The following MYO7A variants were observed in gnomAD, a reference collection of about 807,000 sequenced individuals.
MYO7A encodes unconventional myosin-VIIa.
MYO7A carries 210 observed loss-of-function variants against 263.8 expected under a neutral mutation model. The ratio of observed to expected loss-of-function variants is 0.80; its 90% confidence interval spans 0.71 to 0.89. The LOEUF is 0.89. MYO7A is among the 40% of genes least tolerant of loss of function. The pLI is 0.00. For missense variants in MYO7A, 2,820 were observed against 2,968.3 expected, an observed-to-expected ratio of 0.95 and a Z score of 1.16; for synonymous variants, 1,239 against 1,197.3, an observed-to-expected ratio of 1.03 and a Z score of -0.72.
chr11:77,198,471 CTCAGTGCCTT>C lies in MYO7A; in HGVS notation c.4442-23_4442-14del, dbSNP rs749005733. 1.9e-6 allele frequency: 3 copies of C among 1,610,702 alleles called. No homozygotes were observed. In the South Asian group the frequency reaches 3.3e-5, roughly 18 times the overall value. On this transcript the variant is annotated splice_polypyrimidine_tract_variant and intron_variant, in intron 33 of 48. Coordinates refer to ENST00000409709, the MANE Select transcript of MYO7A (RefSeq NM_000260.4). Reference sequence around the variant, plus strand: ...GGGCCTGGGTGTGGGAGGCCTGCCTCTCAGTGCCTTGGTCTCGTCCCAGGCCCCAGTCTCC... The same window carrying C: ...GGGCCTGGGTGTGGGAGGCCTGCCTCGGTCTCGTCCCAGGCCCCAGTCTCC...
Position 77,211,149 on chromosome 11 carries a change from CAG to C in MYO7A, c.6052-2_6052-1del. 6.4e-7 allele frequency: 1 copy of C among 1,567,424 alleles called. No individual in the cohort carries two copies. Among genetic ancestry groups the C allele is most frequent in the South Asian group, 1.2e-5 (1 of 84,900 alleles). On this transcript the variant is annotated splice_acceptor_variant, in intron 44 of 48. Coordinates refer to ENST00000409709, the MANE Select transcript of MYO7A (RefSeq NM_000260.4). LOFTEE classifies it high-confidence loss of function. ...CGCCTGTGACCTGCTCTGTCTCTGA[CAG>C]GAGTTGCCCAAGTATCTCCGAGGCT...
At chr11:77,143,424 A>T (rs1395583954) in intron 3 of MYO7A, among the ~76,000 whole-genome samples, 1 of 152,224 alleles carries the variant, frequency 6.6e-6, no homozygotes, top group Non-Finnish European at 1.5e-5. Flanking sequence ...GGTCTCACAG[A>T]TTAACCCTTT....
At chr11:77,169,895 G>A (rs1371679733) in intron 15 of MYO7A, among the ~76,000 whole-genome samples, 2 of 152,002 alleles carry the variant, frequency 1.3e-5, no homozygotes, top group African/African-American at 2.4e-5. Flanking sequence ...TGGCAAAATG[G>A]CAAAATCCCA....
Position 77,190,014 on chromosome 11 carries a change from C to T in MYO7A, c.3631-6C>T, listed in dbSNP as rs1047678585. ...GGGGCCGCCTCAGCGGGTACTCTGG[C>T]TGCAGTACCTGCGGAACTTCATCCA... On this transcript the variant is annotated splice_region_variant and splice_polypyrimidine_tract_variant and intron_variant, in intron 28 of 48. Transcript: ENST00000409709. 1 of 1,538,060 alleles carries T rather than the reference C, an allele frequency of 6.5e-7. No individual in the cohort carries two copies.
intron 2 of MYO7A, among the ~76,000 whole-genome samples, chr11:77,132,722 C>T (rs782338260): frequency 3.3e-5 from 5 of 152,196 alleles, no homozygotes; most frequent in Non-Finnish European, 7.3e-5. Context: ...CTCCTGACCT[C>T]GTGATCCGCC....
rs1455974023 is a variant in MYO7A, at chr11:77,215,001, CA to C, written c.*306del. On this transcript the variant is annotated 3_prime_UTR_variant, in exon 49 of 49. Transcript: ENST00000409709. Reference sequence around the variant, plus strand: ...TGTGTCTCCTGTTTCAGACCAGCCCCACCATGCAACTTCCTTTGACTTTCTG... The same window carrying C: ...TGTGTCTCCTGTTTCAGACCAGCCCCCCATGCAACTTCCTTTGACTTTCTG... 11 of 353,260 alleles carry C rather than the reference CA, an allele frequency of 3.1e-5. No homozygotes were observed. The highest frequency in any genetic ancestry group is 2.5e-4 in the Admixed American group (6 of 23,718). 21.9% of individuals were successfully genotyped at this position (353,260 alleles called of 1,614,324 possible).
At position 77,211,901 on chromosome 11, in the gene MYO7A, G is replaced by A. The variant is rs11237123; in HGVS notation, c.6318G>A (p.Lys2106=). Residue 2106 remains lysine (K), a synonymous_variant, in exon 46 of 49, where the codon AAG becomes AAA. Transcript: ENST00000409709. ...TGGCCTTCCTGAAGCTCATCTTCAA[G>A]TGGCCCACCTTTGGCTCAGCCTTCT... ...AKLAFLKLIF[K]WPTFGSAFFE... The A allele has an allele frequency of 0.19, 310,677 of 1,613,528 alleles. 32,894 individuals carry two copies. Among genetic ancestry groups the A allele is most frequent in the African/African-American group, 0.38 (28,165 of 74,976 alleles).
chr11:77,150,397 A>G (rs184096937), intron 4 of MYO7A, among the ~76,000 whole-genome samples: 5 of 152,300 alleles, frequency 3.3e-5, no homozygotes, highest in Admixed American at 3.3e-4. Flanking sequence ...CCATGGGCAC[A>G]GTGAATCTTG....
intron 20 of MYO7A, 67 bp from the exon 21 acceptor site, chr11:77,179,668 C>T (rs1954999251): frequency 1.4e-6 from 2 of 1,405,906 alleles, no homozygotes; most frequent in Admixed American, 2.2e-5. Flanking sequence ...GCCATGGAAG[C>T]TCCTGCAGGC....
chr11:77,173,533 TG>T (rs1442191447), intron 16 of MYO7A, among the ~76,000 whole-genome samples: 2 of 152,160 alleles, frequency 1.3e-5, no homozygotes, highest in Non-Finnish European at 2.9e-5. Context: ...GATGCGGGAC[TG>T]GGGGCTCAGG....
chr11:77,212,288 C>A, intron 46 of MYO7A: 1 of 425,302 alleles, frequency 2.4e-6, no homozygotes, highest in Admixed American at 2.7e-5. Flanking sequence ...GATATCTGAG[C>A]TTTCCAGGCA....
rs762667 is a variant in MYO7A at position 77,157,326 on chromosome 11, T to C, written c.783T>C (p.Gly261=). 0.38 allele frequency: 609,905 copies of C among 1,610,282 alleles called. 123,664 individuals are homozygous for C. The highest frequency in any genetic ancestry group is 0.77 in the African/African-American group (57,977 of 74,908). ...ACGTGTTCTACTGCATGCTGGAGGGTATGAGTGAGGATCAGAAGAAGAAGC... is the reference window on the plus strand; with the variant it reads ...ACGTGTTCTACTGCATGCTGGAGGGCATGAGTGAGGATCAGAAGAAGAAGC... ...NYHVFYCMLE[G]MSEDQKKKLG... Residue 261 remains glycine (G), a synonymous_variant, in exon 8 of 49, where the codon GGT becomes GGC. Transcript: ENST00000409709.
rs574232710 is a variant in MYO7A at position 77,198,583 on chromosome 11, G to A, written c.4530G>A (p.Glu1510=). Reference sequence around the variant, plus strand: ...ATGAGCAGGAGCAGGTACTTCTGGAGCTGTCCTTCCCAGAGATCATGGCCG... The same window carrying A: ...ATGAGCAGGAGCAGGTACTTCTGGAACTGTCCTTCCCAGAGATCATGGCCG... ...FVDEQEQVLL[E]LSFPEIMAVS... The change falls in exon 34 of 49, where the codon GAG becomes GAA. Residue 1510 remains glutamate, a synonymous_variant. Coordinates refer to ENST00000409709, the MANE Select transcript of MYO7A (RefSeq NM_000260.4). The A allele has an allele frequency of 8.7e-6, 14 of 1,613,952 alleles. No individual in the cohort carries two copies. The African/African-American group carries it at 9.3e-5, about 11-fold the overall frequency.
chr11:77,148,024 C>T (rs1413186907), intron 4 of MYO7A, 74 bp downstream of exon 4: 3 of 1,343,978 alleles, frequency 2.2e-6, no homozygotes, highest in Non-Finnish European at 2.9e-6. Context: ...CCACCCCGCC[C>T]GACTTGCCTC....
In MYO7A at chr11:77,181,405, AG is replaced by A. The variant is rs2135486189; in HGVS notation, c.2722del (p.Asp908ThrfsTer6). ...HQERLAQLAR[E>X]DAERELKEKE... ...GAGCGCCTGGCCCAGCTGGCTCGTG[AG>A]GACGCTGAGCGGGAGCTGAAGGAGA... is the stretch of plus-strand genomic sequence containing the variant. On this transcript the variant is annotated frameshift_variant, in exon 23 of 49. Transcript: ENST00000409709. LOFTEE classifies it high-confidence loss of function. The A allele has an allele frequency of 6.3e-7, 1 of 1,578,640 alleles. No homozygotes were observed. Among genetic ancestry groups the A allele is most frequent in the Non-Finnish European group, 8.6e-7 (1 of 1,163,044 alleles).
At chr11:77,135,792 T>G (rs114427661) in intron 2 of MYO7A, among the ~76,000 whole-genome samples, 349 of 152,342 alleles carry the variant, frequency 2.3e-3, no homozygotes, top group African/African-American at 7.3e-3. Context: ...GGGTGTGCAG[T>G]GGTATCTCAT....
In MYO7A at chr11:77,173,565, G is replaced by C. The variant is rs1277215807; in HGVS notation, c.1935+680G>C. Among the ~76,000 whole-genome samples the C allele has an allele frequency of 2.0e-5, 3 of 152,190 alleles. No individual in the cohort carries two copies. In the South Asian group the frequency reaches 6.2e-4, roughly 31 times the overall value. On this transcript the variant is annotated intron_variant, in intron 16 of 48. Coordinates refer to ENST00000409709, the MANE Select transcript of MYO7A (RefSeq NM_000260.4). ...TCAGGGAGGTTAAGGGGCTCAGGCT[G>C]GGGCCACCTCGCTGCGAGCCCTCTC...
intron 16 of MYO7A, among the ~76,000 whole-genome samples, chr11:77,174,299 C>T (rs913426876): frequency 1.3e-5 from 2 of 152,270 alleles, no homozygotes; most frequent in Middle Eastern, 6.8e-3. Flanking sequence ...GTGAAAGGTC[C>T]TCCCTGGGGC....
chr11:77,167,047 G>A (rs1170064101), intron 15 of MYO7A, among the ~76,000 whole-genome samples: 1 of 152,242 alleles, frequency 6.6e-6, no homozygotes, highest in Non-Finnish European at 1.5e-5. Context: ...AGCGGCCTGG[G>A]TGGGGCTTGG....
Sources: allele counts gnomAD v4.1 joint callset (sites outside exome capture counted in the v4.1 genomes callset), GRCh38; gene constraint gnomAD v4.1.1; transcripts MANE v1.5; gene names NCBI Gene and HGNC (gene_info 2026-07-23, HGNC 2026-07-21).